The following MAPKAPK2 variants were observed in gnomAD, a reference collection of about 807,000 sequenced individuals.
MAPKAPK2 encodes MAP kinase-activated protein kinase 2.
MAPKAPK2 carries 9 observed loss-of-function variants against 48.8 expected under a neutral mutation model. That is an observed-to-expected ratio of 0.18 (90% CI 0.11 to 0.32). MAPKAPK2 has a LOEUF of 0.32. Ranked by LOEUF, MAPKAPK2 falls within the 10% of genes least tolerant of loss-of-function variation. The pLI is 1.00. For missense variants in MAPKAPK2, 331 were observed against 498.3 expected (o/e 0.66, Z 3.20); for synonymous variants, 202 against 190.6 (o/e 1.06, Z -0.49).
Position 206,686,270 on chromosome 1 carries a change from C to T in MAPKAPK2, c.279+762C>T, listed in dbSNP as rs186061875. Among the ~76,000 whole-genome samples, 104 of 152,338 alleles carry T rather than the reference C, an allele frequency of 6.8e-4. 1 individual carries two copies. In the East Asian group the frequency reaches 0.014, roughly 21 times the overall value. On this transcript the variant is annotated intron_variant, in intron 1 of 9. Transcript: ENST00000367103. The stretch of plus-strand genomic sequence containing the variant: ...GGCCGGGCCCGTGCTGATTCCGCCT[C>T]CTAGAGAGGGCCACTTGCTGTCCTG...
At chr1:206,705,349 A>G (rs1375544448) in intron 1 of MAPKAPK2, among the ~76,000 whole-genome samples, 1 of 152,112 alleles carries the variant, frequency 6.6e-6, no homozygotes, top group African/African-American at 2.4e-5. Flanking sequence ...CTGGCATGAA[A>G]ACACTGAATA....
In MAPKAPK2 at chr1:206,709,967, C is replaced by T. The variant is rs6672797; in HGVS notation, c.280-18743C>T. ...AATTAACACCAGGTTGAGAACTATTCCCAAGGTGTAGAGCTTAGTCACCGA... is the reference window on the plus strand; with the variant it reads ...AATTAACACCAGGTTGAGAACTATTTCCAAGGTGTAGAGCTTAGTCACCGA... On this transcript the variant is annotated intron_variant, in intron 1 of 9. Transcript: ENST00000367103. Among the ~76,000 whole-genome samples, 1,497 of 152,208 alleles carry T rather than the reference C, an allele frequency of 9.8e-3. 19 individuals are homozygous for T. The highest frequency in any genetic ancestry group is 0.035 in the African/African-American group (1,451 of 41,510).
chr1:206,722,337 G>A (rs1372225170), intron 1 of MAPKAPK2, among the ~76,000 whole-genome samples: 3 of 151,992 alleles, frequency 2.0e-5, no homozygotes, highest in East Asian at 3.9e-4. Flanking sequence ...TCCAGCCTGG[G>A]CAACAGGGCG....
chr1:206,730,202 G>A (rs1326775077), intron 5 of MAPKAPK2, 104 bp downstream of exon 5: 46 of 1,392,778 alleles, frequency 3.3e-5, no homozygotes, highest in Non-Finnish European at 4.2e-5. Flanking sequence ...AGTTGTGTCT[G>A]TATGGCCCCT....
At chr1:206,718,683 T>A (rs1673420750) in intron 1 of MAPKAPK2, among the ~76,000 whole-genome samples, 1 of 152,202 alleles carries the variant, frequency 6.6e-6, no homozygotes, top group Non-Finnish European at 1.5e-5. Context: ...ACACCGCACG[T>A]TTTCCATTGT....
intron 1 of MAPKAPK2, among the ~76,000 whole-genome samples, chr1:206,719,790 TGA>T (rs1673457588): frequency 6.6e-6 from 1 of 152,234 alleles, no homozygotes; most frequent in Non-Finnish European, 1.5e-5. Flanking sequence ...TCTGTAATTT[TGA>T]GAGATGAGAA....
intron 1 of MAPKAPK2, among the ~76,000 whole-genome samples, chr1:206,710,223 CTT>C (rs1417662023): frequency 2.0e-5 from 3 of 152,136 alleles, no homozygotes; most frequent in Non-Finnish European, 4.4e-5. Context: ...GCAGTACAAA[CTT>C]TGCTGTTAGC....
chr1:206,725,423 G>A (rs1673672641), intron 1 of MAPKAPK2, among the ~76,000 whole-genome samples: 2 of 152,164 alleles, frequency 1.3e-5, no homozygotes, highest in Admixed American at 1.3e-4. Flanking sequence ...TCAACTCAGT[G>A]GTGACGGAGG....
chr1:206,693,008 G>A (rs1486044477), intron 1 of MAPKAPK2, among the ~76,000 whole-genome samples: 1 of 152,194 alleles, frequency 6.6e-6, no homozygotes, highest in Non-Finnish European at 1.5e-5. Context: ...TGAGGGGAGG[G>A]GCTGAACAGG....
At chr1:206,695,836 G>T in intron 1 of MAPKAPK2, 2 of 490,036 alleles carry the variant, frequency 4.1e-6, no homozygotes, top group South Asian at 2.1e-5. Flanking sequence ...TGTGCACAGT[G>T]ACCATGGCAA....
At chr1:206,728,654 G>A in intron 1 of MAPKAPK2, 56 bp from the exon 2 acceptor site, 1 of 1,581,342 alleles carries the variant, frequency 6.3e-7, no homozygotes, top group Non-Finnish European at 8.6e-7. Flanking sequence ...TGGGCCAGGG[G>A]CTTAGAGCAG....
In MAPKAPK2 at chr1:206,731,038, C is replaced by A; in HGVS notation, c.768-100C>A. The stretch of plus-strand genomic sequence containing the variant: ...TCAATAAGCCCTGATTTCTCTGTGA[C>A]CTTTACAAGGAGAAGAGCCTGTTTC... On this transcript the variant is annotated intron_variant, in intron 6 of 9. Transcript: ENST00000367103. The surrounding 1 kb of genome is among the most constrained non-coding windows in gnomAD (Gnocchi z 5.9). 1.3e-6 allele frequency: 2 copies of A among 1,502,584 alleles called. No individual in the cohort carries two copies. Among genetic ancestry groups the A allele is most frequent in the Non-Finnish European group, 1.8e-6 (2 of 1,082,122 alleles). 93.1% of individuals were successfully genotyped at this position (1,502,584 alleles called of 1,614,324 possible).
At chr1:206,687,711 C>T (rs1440181412) in intron 1 of MAPKAPK2, among the ~76,000 whole-genome samples, 1 of 152,208 alleles carries the variant, frequency 6.6e-6, no homozygotes, top group Non-Finnish European at 1.5e-5. Flanking sequence ...TTTGATTAAC[C>T]TCAGGTGCTG....
At chr1:206,696,197 C>G (rs974304542) in intron 1 of MAPKAPK2, 12 of 1,509,298 alleles carry the variant, frequency 8.0e-6, no homozygotes, top group African/African-American at 1.4e-5. Context: ...AATACATTCT[C>G]TCCTTCAGCC....
In MAPKAPK2 at chr1:206,685,185, G is replaced by A; in HGVS notation, c.-45G>A. 1 of 286,332 alleles carries A rather than the reference G, an allele frequency of 3.5e-6. No individual in the cohort carries two copies. Among genetic ancestry groups the A allele is most frequent in the South Asian group, 1.1e-4 (1 of 9,336 alleles). 17.7% of individuals were successfully genotyped at this position (286,332 alleles called of 1,614,324 possible). On this transcript the variant is annotated 5_prime_UTR_variant, in exon 1 of 10. Coordinates refer to ENST00000367103, the MANE Select transcript of MAPKAPK2 (RefSeq NM_032960.4). ...AGGGGGCCCGGAGCCGGAGGAGGGG[G>A]CGGCCGCGGGCACCCCCGCCTGTGC...
rs113871244 is a variant in MAPKAPK2 at position 206,728,992 on chromosome 1, C to T, written c.420-43C>T. The T allele has an allele frequency of 2.0e-3, 3,160 of 1,610,880 alleles. 56 individuals carry two copies. The African/African-American group carries it at 0.037, about 19-fold the overall frequency. Reference sequence around the variant, plus strand: ...TTTGGGGGGCAGTGGAGAGTGGCGGCGGGCTGTTGTGTTCTCTGGATCTCA... The same window carrying T: ...TTTGGGGGGCAGTGGAGAGTGGCGGTGGGCTGTTGTGTTCTCTGGATCTCA... On this transcript the variant is annotated intron_variant, in intron 2 of 9. Transcript: ENST00000367103.
chr1:206,727,192 C>G (rs149742578), intron 1 of MAPKAPK2, among the ~76,000 whole-genome samples: 1 of 152,326 alleles, frequency 6.6e-6, no homozygotes, highest in African/African-American at 2.4e-5. Flanking sequence ...TGCGCTTGCA[C>G]TTAGACAATT....
Position 206,732,071 on chromosome 1 carries a change from A to C in MAPKAPK2, c.1059+152A>C. On this transcript the variant is annotated intron_variant, in intron 9 of 9. Coordinates refer to ENST00000367103, the MANE Select transcript of MAPKAPK2 (RefSeq NM_032960.4). This position sits in a 1 kb window ranked among gnomAD's most constrained non-coding sequence, Gnocchi z 4.4. Reference sequence around the variant, plus strand: ...TCATGACAAGAACAGCGACCAGGCCACTTGGCTGACCAGGTTGTGAGCAGA... The same window carrying C: ...TCATGACAAGAACAGCGACCAGGCCCCTTGGCTGACCAGGTTGTGAGCAGA... 6.2e-7 allele frequency: 1 copy of C among 1,614,168 alleles called. No individual in the cohort carries two copies. Among genetic ancestry groups the C allele is most frequent in the South Asian group, 1.1e-5 (1 of 91,086 alleles).
chr1:206,685,162 G>C lies in MAPKAPK2; in HGVS notation c.-68G>C, dbSNP rs1240732175. Reference sequence around the variant, plus strand: ...CAGCCCGTCGGGGGGCGGCGGGGAGGGGGCCCGGAGCCGGAGGAGGGGGCG... The same window carrying C: ...CAGCCCGTCGGGGGGCGGCGGGGAGCGGGCCCGGAGCCGGAGGAGGGGGCG... On this transcript the variant is annotated 5_prime_UTR_variant, in exon 1 of 10. Coordinates refer to ENST00000367103, the MANE Select transcript of MAPKAPK2 (RefSeq NM_032960.4). 5 of 251,630 alleles carry C rather than the reference G, an allele frequency of 2.0e-5. No homozygotes were observed. Among genetic ancestry groups the C allele is most frequent in the African/African-American group, 1.2e-4 (5 of 43,060 alleles). The allele number at this position is 251,630 out of a possible 1,614,324, so 15.6% of individuals were successfully genotyped here. A position where few individuals can be genotyped will look rare whatever the true frequency, so the allele number is the denominator to read the frequency against.
Sources: gnomAD v4.1 joint callset for allele counts (sites outside exome capture counted in the v4.1 genomes callset) on GRCh38, gnomAD v4.1.1 for gene constraint, Gnocchi (gnomAD v3.1) non-coding constraint, MANE v1.5 for transcripts, NCBI Gene and HGNC (gene_info 2026-07-23, HGNC 2026-07-21) for gene names.